The following STX8 variants were observed in gnomAD, a reference collection of about 807,000 sequenced individuals.
The protein encoded by STX8 is syntaxin-8.
In STX8, 23 loss-of-function variants were observed where a neutral mutation model predicts 37.5. That is an observed-to-expected ratio of 0.61 (90% CI 0.44 to 0.87). The LOEUF is 0.87. STX8 is among the 40% of genes least tolerant of loss of function. The pLI is 0.00. For missense variants in STX8, 313 were observed against 284.7 expected (o/e 1.10, Z -0.71); for synonymous variants, 115 against 99.1 (o/e 1.16, Z -0.95).
At chr17:9,454,009 G>A (rs759909000) in intron 6 of STX8, among the ~76,000 whole-genome samples, 33 of 152,002 alleles carry the variant, frequency 2.2e-4, no homozygotes, top group Admixed American at 5.9e-4. Context: ...CAAAGGAAGC[G>A]TTTATAAGAA....
At chr17:9,465,130 T>C (rs1402486796) in intron 6 of STX8, among the ~76,000 whole-genome samples, 1 of 152,108 alleles carries the variant, frequency 6.6e-6, no homozygotes, top group Non-Finnish European at 1.5e-5. Flanking sequence ...AGTCATCTAA[T>C]TTTCCCTCCT....
chr17:9,532,274 G>A (rs538291132), intron 4 of STX8, among the ~76,000 whole-genome samples: 38 of 152,252 alleles, frequency 2.5e-4, no homozygotes, highest in Admixed American at 7.8e-4. Context: ...TGTCAAGTTC[G>A]AAGGTAGTTT....
intron 5 of STX8, among the ~76,000 whole-genome samples, chr17:9,495,368 A>G (rs1904345798): frequency 6.6e-6 from 1 of 152,190 alleles, no homozygotes; most frequent in Non-Finnish European, 1.5e-5. Flanking sequence ...GTAAAATTCT[A>G]AATGCATCTG....
intron 6 of STX8, among the ~76,000 whole-genome samples, chr17:9,489,932 C>A (rs112131507): frequency 0.018 from 2,675 of 152,206 alleles, 79 homozygotes; most frequent in African/African-American, 0.062. Context: ...TCGTGATCCA[C>A]CCGCCTCAGC....
intron 6 of STX8, among the ~76,000 whole-genome samples, chr17:9,385,791 T>G (rs1172854470): frequency 6.6e-6 from 1 of 152,206 alleles, no homozygotes; most frequent in Non-Finnish European, 1.5e-5. Context: ...TTTTTTGAGG[T>G]GGCATCTTGC....
At chr17:9,301,369 G>A (rs1908774406) in intron 7 of STX8, among the ~76,000 whole-genome samples, 2 of 152,070 alleles carry the variant, frequency 1.3e-5, no homozygotes, top group African/African-American at 4.8e-5. Context: ...ATTTATTAAT[G>A]AGATGAATCA....
chr17:9,567,478 C>T (rs913174729), intron 2 of STX8, among the ~76,000 whole-genome samples: 5 of 152,022 alleles, frequency 3.3e-5, no homozygotes, highest in African/African-American at 1.2e-4. Context: ...CATACTGATG[C>T]TTTTGGAAAC....
At chr17:9,575,745 C>T in intron 1 of STX8, 47 bp downstream of exon 1, 7 of 1,544,624 alleles carry the variant, frequency 4.5e-6, no homozygotes, top group Non-Finnish European at 6.1e-6. Flanking sequence ...GAAGCCCGGC[C>T]TCCCCGAAGG....
chr17:9,443,603 C>T (rs1904739030), intron 6 of STX8, among the ~76,000 whole-genome samples: 1 of 152,214 alleles, frequency 6.6e-6, no homozygotes, highest in African/African-American at 2.4e-5. Flanking sequence ...CACAGAACCA[C>T]AGTCATTGTC....
At chr17:9,556,780 T>TAC (rs1567609043) in intron 3 of STX8, 1 of 77,492 alleles carries the variant, frequency 1.3e-5, no homozygotes, top group African/African-American at 6.1e-5. Context: ...TATATATATA[T>TAC]ATATATATAT....
chr17:9,297,589 C>A (rs1353317878), intron 7 of STX8, among the ~76,000 whole-genome samples: 1 of 152,188 alleles, frequency 6.6e-6, no homozygotes, highest in Non-Finnish European at 1.5e-5. Flanking sequence ...GTTTGTTAGC[C>A]GGATGCAGTA....
chr17:9,449,805 G>T (rs1230792358), intron 6 of STX8, among the ~76,000 whole-genome samples: 2 of 151,844 alleles, frequency 1.3e-5, no homozygotes, highest in African/African-American at 4.9e-5. Context: ...CTGGGAGTGA[G>T]AAGAGGGTCT....
At chr17:9,321,559 G>A (rs1448808882) in intron 7 of STX8, among the ~76,000 whole-genome samples, 3 of 151,632 alleles carry the variant, frequency 2.0e-5, no homozygotes, top group Admixed American at 6.6e-5. Context: ...TCCCCCTGTC[G>A]CCCAGGCTGG....
chr17:9,272,870 G>C (rs954841440), intron 7 of STX8, among the ~76,000 whole-genome samples: 1 of 152,062 alleles, frequency 6.6e-6, no homozygotes, highest in Non-Finnish European at 1.5e-5. Flanking sequence ...CCTTCCTCAC[G>C]CCCCTCTTTC....
chr17:9,495,656 A>G (rs1333664005), intron 5 of STX8, among the ~76,000 whole-genome samples: 1 of 152,236 alleles, frequency 6.6e-6, no homozygotes, highest in Non-Finnish European at 1.5e-5. Flanking sequence ...TTCCCCTCTA[A>G]TAATTTGTAT....
At chr17:9,492,025 A>G (rs562209313) in intron 5 of STX8, 104 bp from the exon 6 acceptor site, 1 of 719,542 alleles carries the variant, frequency 1.4e-6, no homozygotes, top group Non-Finnish European at 2.1e-6. Context: ...TAAATCAGTC[A>G]GGAAAAAAAA....
intron 6 of STX8, among the ~76,000 whole-genome samples, chr17:9,393,137 A>T (rs112810538): frequency 5.6e-4 from 86 of 152,336 alleles, no homozygotes; most frequent in African/African-American, 1.7e-3. Flanking sequence ...TTTATAGGGG[A>T]ACAAAAATTT....
chr17:9,487,269 T>C (rs983850658), intron 6 of STX8, among the ~76,000 whole-genome samples: 1 of 152,210 alleles, frequency 6.6e-6, no homozygotes, highest in African/African-American at 2.4e-5. Context: ...CCTAGCCTAT[T>C]GTTTTCCTCA....
intron 7 of STX8, among the ~76,000 whole-genome samples, chr17:9,331,841 C>T (rs1909971829): frequency 6.6e-6 from 1 of 151,660 alleles, no homozygotes; most frequent in Non-Finnish European, 1.5e-5. Flanking sequence ...TGCCCAGCAA[C>T]GTCTGGCAGA....
Sources: allele counts gnomAD v4.1 joint callset (sites outside exome capture counted in the v4.1 genomes callset), GRCh38; gene constraint gnomAD v4.1.1; transcripts MANE v1.5; gene names NCBI Gene and HGNC (gene_info 2026-07-23, HGNC 2026-07-21).